The following KANSL1L variants were observed in gnomAD, a reference collection of about 807,000 sequenced individuals.
The protein encoded by KANSL1L is KAT8 regulatory NSL complex subunit 1 like.
KANSL1L carries 25 observed loss-of-function variants against 108.6 expected under a neutral mutation model. The observed-to-expected ratio is 0.23, with a 90% CI of 0.17 to 0.32. The LOEUF is 0.32. KANSL1L is among the 10% of genes least tolerant of loss of function. KANSL1L has a pLI of 1.00. For synonymous variants in KANSL1L, 405 were observed against 395.1 expected (o/e 1.03, Z -0.30); for missense variants, 1,137 against 1,125.7 (o/e 1.01, Z -0.14).
intron 2 of KANSL1L, among the ~76,000 whole-genome samples, chr2:210,139,794 T>C (rs370111479): frequency 4.1e-4 from 62 of 149,904 alleles, no homozygotes; most frequent in African/African-American, 1.4e-3. Flanking sequence ...AAGGCTGGAG[T>C]GCAGAGGCGC....
Position 210,153,626 on chromosome 2 carries a change from C to G in KANSL1L, c.957G>C (p.Ala319=). The G allele has an allele frequency of 6.2e-7, 1 of 1,613,606 alleles. No individual in the cohort carries two copies. Among genetic ancestry groups the G allele is most frequent in the Non-Finnish European group, 8.5e-7 (1 of 1,179,834 alleles). ...AKNGFARCTA[A]EIQRFAFSAT... ...CAGAAAATGCAAATCTTTGGATTTC[C>G]GCAGCTGTACACCGTGCAAAGCCAT... Residue 319 remains alanine, a synonymous_variant, in exon 2 of 15, where the codon GCG becomes GCC. Coordinates refer to ENST00000281772, the MANE Select transcript of KANSL1L (RefSeq NM_152519.4).
intron 2 of KANSL1L, among the ~76,000 whole-genome samples, chr2:210,146,151 T>C (rs2125611551): frequency 6.6e-6 from 1 of 152,248 alleles, no homozygotes; most frequent in African/African-American, 2.4e-5. Context: ...CCCCCACCCT[T>C]CTTTGTTTCT....
rs569702856 is a variant in KANSL1L, at chr2:210,061,714, G to A, written c.1755+13838C>T. The stretch of plus-strand genomic sequence containing the variant: ...AAAGTGTACCAGTAATGAATAAAGT[G>A]GCTTAGACAGCAAAAGATATGATTC... On this transcript the variant is annotated intron_variant, in intron 6 of 14. Coordinates refer to ENST00000281772, the MANE Select transcript of KANSL1L (RefSeq NM_152519.4). Among the ~76,000 whole-genome samples the A allele has an allele frequency of 6.6e-5, 10 of 152,218 alleles. No homozygotes were observed. In the South Asian group the frequency reaches 8.3e-4, roughly 13 times the overall value.
intron 6 of KANSL1L, among the ~76,000 whole-genome samples, chr2:210,052,416 A>G (rs1164318874): frequency 6.6e-6 from 1 of 152,142 alleles, no homozygotes; most frequent in African/African-American, 2.4e-5. Flanking sequence ...ATTAATTTCT[A>G]CCAAGGTCAG....
rs1438600456 is a variant in KANSL1L at position 210,171,365 on chromosome 2, C to G, written c.-246G>C. 5.8e-6 allele frequency: 1 copy of G among 172,342 alleles called. No individual in the cohort carries two copies. Among genetic ancestry groups the G allele is most frequent in the East Asian group, 1.6e-4 (1 of 6,234 alleles). 10.7% of individuals were successfully genotyped at this position (172,342 alleles called of 1,614,324 possible). ...CGCGGTTTAACAGTCCGCCCGCTGC[C>G]CGCAGCTCCGTGCGGCTCGGGGGGA... is the stretch of plus-strand genomic sequence containing the variant. On this transcript the variant is annotated 5_prime_UTR_variant, in exon 1 of 15. Transcript: ENST00000281772.
At chr2:210,056,059 T>G (rs1467061937) in intron 6 of KANSL1L, among the ~76,000 whole-genome samples, 1 of 152,220 alleles carries the variant, frequency 6.6e-6, no homozygotes, top group Non-Finnish European at 1.5e-5. Flanking sequence ...ACCCCCCTGC[T>G]CTGTGCAGCC....
chr2:210,115,664 C>T (rs541640831), intron 3 of KANSL1L, among the ~76,000 whole-genome samples: 4 of 152,328 alleles, frequency 2.6e-5, no homozygotes, highest in Admixed American at 6.5e-5. Flanking sequence ...CCTAAATTTA[C>T]ACTGCATGTT....
intron 9 of KANSL1L, among the ~76,000 whole-genome samples, chr2:210,030,287 T>C (rs528277288): frequency 7.9e-4 from 120 of 152,134 alleles, no homozygotes; most frequent in African/African-American, 2.7e-3. Context: ...TCCTAATTTA[T>C]GTGAGGTATC....
chr2:210,097,989 A>G, intron 5 of KANSL1L, 97 bp downstream of exon 5: 1 of 1,018,186 alleles, frequency 9.8e-7, no homozygotes, highest in Non-Finnish European at 1.4e-6. Flanking sequence ...ATGTACAAAA[A>G]AAGTAGCTAT....
intron 3 of KANSL1L, among the ~76,000 whole-genome samples, chr2:210,127,830 T>C (rs1232090861): frequency 2.1e-4 from 19 of 89,314 alleles, no homozygotes; most frequent in Non-Finnish European, 3.4e-4. Context: ...AAGCAACACA[T>C]AGAATAGGAA....
intron 3 of KANSL1L, among the ~76,000 whole-genome samples, chr2:210,114,850 A>G (rs964431025): frequency 6.6e-6 from 1 of 152,112 alleles, no homozygotes; most frequent in East Asian, 1.9e-4. Flanking sequence ...TACTAAAGTT[A>G]AACTGGAATA....
chr2:210,075,297 G>A (rs2094534633), intron 6 of KANSL1L, among the ~76,000 whole-genome samples: 1 of 151,480 alleles, frequency 6.6e-6, no homozygotes. Flanking sequence ...AATTAGTTTA[G>A]GCATAATAGA....
intron 12 of KANSL1L, among the ~76,000 whole-genome samples, chr2:210,025,521 C>CTCCA (rs2093924415): frequency 6.6e-6 from 1 of 152,162 alleles, no homozygotes; most frequent in Non-Finnish European, 1.5e-5. Context: ...TGCCACTGCA[C>CTCCA]TCCAGCCTGG....
chr2:210,141,596 G>A (rs2095229958), intron 2 of KANSL1L, among the ~76,000 whole-genome samples: 2 of 152,194 alleles, frequency 1.3e-5, no homozygotes, highest in South Asian at 4.1e-4. Flanking sequence ...AATAATTTCT[G>A]TTGTTAATAA....
intron 11 of KANSL1L, 166 bp downstream of exon 11, chr2:210,028,679 T>C: frequency 1.8e-6 from 1 of 563,844 alleles, no homozygotes; most frequent in Non-Finnish European, 3.1e-6. Context: ...TGTGATACTA[T>C]ATAACACTTA....
At chr2:210,139,350 T>C (rs2095205954) in intron 2 of KANSL1L, among the ~76,000 whole-genome samples, 2 of 152,336 alleles carry the variant, frequency 1.3e-5, no homozygotes, top group East Asian at 1.9e-4. Flanking sequence ...CTTTGGCCAC[T>C]GTAAATGAGT....
chr2:210,091,373 A>G (rs1290964343), intron 5 of KANSL1L, among the ~76,000 whole-genome samples: 1 of 152,130 alleles, frequency 6.6e-6, no homozygotes, highest in Non-Finnish European at 1.5e-5. Flanking sequence ...TTTATATCCT[A>G]TTTTCTTAAC....
chr2:210,084,336 C>T (rs1047591120), intron 5 of KANSL1L, among the ~76,000 whole-genome samples: 3 of 151,876 alleles, frequency 2.0e-5, no homozygotes, highest in East Asian at 1.9e-4. Flanking sequence ...GCAGGAAAAT[C>T]GCTTGAACCC....
chr2:210,098,323 T>C (rs1482918993), intron 4 of KANSL1L, 116 bp from the exon 5 acceptor site: 1 of 926,484 alleles, frequency 1.1e-6, no homozygotes, highest in Non-Finnish European at 1.6e-6. Flanking sequence ...TTTATTTTAG[T>C]AAATGTTTTA....
Sources: gnomAD v4.1 joint callset for allele counts (sites outside exome capture counted in the v4.1 genomes callset) on GRCh38, gnomAD v4.1.1 for gene constraint, MANE v1.5 for transcripts, NCBI Gene and HGNC (gene_info 2026-07-23, HGNC 2026-07-21) for gene names.